The following YAP1 variants were observed in gnomAD, a reference collection of about 807,000 sequenced individuals.
YAP1 encodes the protein Yes1 associated transcriptional regulator, also known as transcriptional coactivator YAP1.
A neutral mutation model predicts 56.9 loss-of-function variants in YAP1; 5 were observed. That is an observed-to-expected ratio of 0.09 (90% confidence interval 0.05 to 0.18). YAP1 has a LOEUF of 0.18. YAP1 is among the 10% of genes least tolerant of loss of function. The pLI, the probability that YAP1 is intolerant of heterozygous loss-of-function variation, is 1.00. For missense variants in YAP1, 539 were observed against 651.8 expected (o/e 0.83, Z 1.88); for synonymous variants, 265 against 248.1 (o/e 1.07, Z -0.64).
At chr11:102,132,639 C>T (rs888771204) in intron 2 of YAP1, among the ~76,000 whole-genome samples, 2 of 152,082 alleles carry the variant, frequency 1.3e-5, no homozygotes, top group Non-Finnish European at 2.9e-5. Context: ...CTTTTTGACA[C>T]CATTTGTCAG....
intron 2 of YAP1, among the ~76,000 whole-genome samples, chr11:102,155,104 C>T (rs2135368190): frequency 6.6e-6 from 1 of 152,240 alleles, no homozygotes; most frequent in Middle Eastern, 3.4e-3. Context: ...ATTGGGTAAC[C>T]TAACTCCCAA....
intron 2 of YAP1, among the ~76,000 whole-genome samples, chr11:102,160,018 A>AT (rs34332940): frequency 0.49 from 53,498 of 108,986 alleles, 13,947 homozygotes; most frequent in African/African-American, 0.6. Context: ...TACATAAAGG[A>AT]TTTTTTTTTT....
Position 102,114,309 on chromosome 11 carries a change from T to C in YAP1, c.487T>C (p.Ser163Pro). ...ACCCACAGCTCAGCATCTTCGACAGTCTTCTTTTGAGATACCTGATGATGT... is the reference window on the plus strand; with the variant it reads ...ACCCACAGCTCAGCATCTTCGACAGCCTTCTTTTGAGATACCTGATGATGT... ...ATPTAQHLRQ[S>P]SFEIPDDVPL... is the part of the protein sequence containing the mutation. The change falls in exon 2 of 9, where the codon TCT (serine) becomes CCT (proline). Residue 163 changes from serine to proline, a missense_variant. By Grantham distance (74) the Ser-to-Pro change is moderately conservative. This residue lies in a region of YAP1 where 414 missense variants were observed against 512.4 expected (regional missense o/e 0.81). Coordinates refer to ENST00000282441, the MANE Select transcript of YAP1 (RefSeq NM_001130145.3). 6.2e-7 allele frequency: 1 copy of C among 1,614,172 alleles called. No individual in the cohort carries two copies. Among genetic ancestry groups the C allele is most frequent in the South Asian group, 1.1e-5 (1 of 91,074 alleles).
intron 3 of YAP1, among the ~76,000 whole-genome samples, chr11:102,169,554 C>T (rs542596569): frequency 4.7e-4 from 71 of 152,268 alleles, no homozygotes; most frequent in African/African-American, 1.6e-3. Flanking sequence ...AAAGTCAGAG[C>T]AATGAAGAGA....
intron 2 of YAP1, among the ~76,000 whole-genome samples, chr11:102,143,060 CCAGGTATGTGT>C (rs1945110360): frequency 6.6e-6 from 1 of 152,182 alleles, no homozygotes; most frequent in African/African-American, 2.4e-5. Context: ...GTTCACCCGT[CCAGGTATGTGT>C]CACTCCAAAG....
intron 2 of YAP1, among the ~76,000 whole-genome samples, chr11:102,121,576 C>T (rs1943656289): frequency 6.6e-6 from 1 of 152,132 alleles, no homozygotes; most frequent in African/African-American, 2.4e-5. Flanking sequence ...TGCATCCATA[C>T]TGTCTATGCT....
intron 4 of YAP1, among the ~76,000 whole-genome samples, chr11:102,188,989 T>C (rs1398502028): frequency 5.3e-5 from 8 of 152,202 alleles, no homozygotes; most frequent in African/African-American, 1.9e-4. Flanking sequence ...TAGTAATTTA[T>C]AACAAATCAT....
rs192724399 is a variant in YAP1, at chr11:102,214,233, A to G, written c.1032+4669A>G. Among the ~76,000 whole-genome samples, 119 of 152,336 alleles carry G rather than the reference A, an allele frequency of 7.8e-4. 1 individual carries two copies. The Middle Eastern group carries it at 0.01, about 13-fold the overall frequency. On this transcript the variant is annotated intron_variant, in intron 6 of 8. Transcript: ENST00000282441. ...CATTTCTGGGCAAGTAATTGCTTCA[A>G]TCTGTATAGAAATTACAGTATAAAT...
intron 3 of YAP1, among the ~76,000 whole-genome samples, chr11:102,183,966 A>G (rs1947796135): frequency 1.3e-5 from 2 of 150,412 alleles, no homozygotes; most frequent in Non-Finnish European, 3.0e-5. Context: ...AGTCCCAGCT[A>G]CTTGGGAGGC....
At chr11:102,207,228 C>T (rs1452014535) in intron 5 of YAP1, among the ~76,000 whole-genome samples, 1 of 151,926 alleles carries the variant, frequency 6.6e-6, no homozygotes, top group Non-Finnish European at 1.5e-5. Context: ...AAGATCTTTT[C>T]CCTGTTTTTC....
chr11:102,123,115 T>C (rs572564096), intron 2 of YAP1, among the ~76,000 whole-genome samples: 6 of 152,314 alleles, frequency 3.9e-5, no homozygotes, highest in South Asian at 4.1e-4. Flanking sequence ...CCTCCCATTA[T>C]AATGACTATA....
At chr11:102,227,744 TA>T (rs1413003854) in intron 8 of YAP1, among the ~76,000 whole-genome samples, 163 bp downstream of exon 8, 6 of 152,178 alleles carry the variant, frequency 3.9e-5, no homozygotes, top group Admixed American at 3.9e-4. Flanking sequence ...CGGTGATTTG[TA>T]ACTTGTCTTT....
At chr11:102,161,366 A>ACACT (rs1330784698) in intron 2 of YAP1, among the ~76,000 whole-genome samples, 2 of 151,478 alleles carry the variant, frequency 1.3e-5, no homozygotes, top group Non-Finnish European at 2.9e-5. Flanking sequence ...ACACACACAC[A>ACACT]CACACACACA....
At chr11:102,114,435 A>C (rs1159725120) in intron 2 of YAP1, 41 bp downstream of exon 2, 13 of 1,593,174 alleles carry the variant, frequency 8.2e-6, no homozygotes, top group Non-Finnish European at 9.4e-6. Context: ...TCTAAGACAA[A>C]TATGTATTGG....
chr11:102,209,409 G>A, intron 5 of YAP1, 108 bp from the exon 6 acceptor site: 1 of 990,160 alleles, frequency 1.0e-6, no homozygotes, highest in Non-Finnish European at 1.5e-6. Context: ...GGGTAGCTTG[G>A]GAATTCTGTG....
chr11:102,140,552 A>G lies in YAP1; in HGVS notation c.573-21904A>G, dbSNP rs114481027. On this transcript the variant is annotated intron_variant, in intron 2 of 8. Coordinates refer to ENST00000282441, the MANE Select transcript of YAP1 (RefSeq NM_001130145.3). ...CCCCAGATTACTAGGCCTTTTAAAA[A>G]TGACATCTTAGGCCTGGCGTGGTGG... is the stretch of plus-strand genomic sequence containing the variant. Among the ~76,000 whole-genome samples, 926 of 152,334 alleles carry G rather than the reference A, an allele frequency of 6.1e-3. 11 individuals are homozygous for G. The highest frequency in any genetic ancestry group is 0.022 in the African/African-American group (898 of 41,570).
intron 2 of YAP1, among the ~76,000 whole-genome samples, chr11:102,149,745 GATTAA>G (rs1945518270): frequency 6.6e-6 from 1 of 152,114 alleles, no homozygotes; most frequent in South Asian, 2.1e-4. Flanking sequence ...TTACATAAAA[GATTAA>G]ATTAATTTTC....
intron 4 of YAP1, among the ~76,000 whole-genome samples, chr11:102,200,562 A>G (rs1948800464): frequency 6.6e-6 from 1 of 150,612 alleles, no homozygotes; most frequent in Admixed American, 6.6e-5. Context: ...ATCGTGCCTC[A>G]GCCTCTGGAG....
At chr11:102,166,689 CT>C (rs1326811773) in intron 3 of YAP1, among the ~76,000 whole-genome samples, 1 of 152,210 alleles carries the variant, frequency 6.6e-6, no homozygotes, top group Non-Finnish European at 1.5e-5. Flanking sequence ...CTACACCGTG[CT>C]TTTGAAGCAC....
Sources: gnomAD v4.1 joint callset for allele counts (sites outside exome capture counted in the v4.1 genomes callset) on GRCh38, gnomAD v4.1.1 for gene constraint, gnomAD v4.1.1 regional missense constraint, MANE v1.5 for transcripts, NCBI Gene and HGNC (gene_info 2026-07-23, HGNC 2026-07-21) for gene names.